The following BRAF variants were observed in gnomAD, a reference collection of about 807,000 sequenced individuals.
The protein encoded by BRAF is serine/threonine-protein kinase B-raf.
A neutral mutation model predicts 104.6 loss-of-function variants in BRAF; 16 were observed. That is an observed-to-expected ratio of 0.15 (90% CI 0.10 to 0.23). The LOEUF (loss-of-function observed/expected upper bound fraction) is 0.23. Among genes scored for constraint, BRAF ranks in the 10% least tolerant of loss-of-function variants. BRAF has a pLI of 1.00. For missense variants in BRAF, 541 were observed against 937.3 expected, an observed-to-expected ratio of 0.58 and a Z score of 5.52; for synonymous variants, 310 against 341.6, an observed-to-expected ratio of 0.91 and a Z score of 1.02.
At chr7:140,818,003 T>A (rs1805054978) in intron 3 of BRAF, among the ~76,000 whole-genome samples, 1 of 151,858 alleles carries the variant, frequency 6.6e-6, no homozygotes. Context: ...GACCATTACA[T>A]ACATATAGTA....
chr7:140,713,852 T>C, the BRAF span, among the ~76,000 whole-genome samples: 1 of 152,218 alleles, frequency 6.6e-6, no homozygotes. Flanking sequence ...TGCAGGTCTG[T>C]TGGAGTTTGC....
intron 1 of BRAF, among the ~76,000 whole-genome samples, chr7:140,870,204 A>G (rs1440791064): frequency 3.3e-5 from 5 of 152,210 alleles, no homozygotes; most frequent in Non-Finnish European, 5.9e-5. Flanking sequence ...CAAACCTGTC[A>G]TAAGTGAAAC....
At chr7:140,767,016 AT>A (rs1799394812) in intron 14 of BRAF, among the ~76,000 whole-genome samples, 1 of 151,354 alleles carries the variant, frequency 6.6e-6, no homozygotes, top group African/African-American at 2.4e-5. Flanking sequence ...TTATTTACTT[AT>A]TTTTGAGACA....
chr7:140,839,043 G>A (rs1807644555), intron 2 of BRAF, among the ~76,000 whole-genome samples: 2 of 152,014 alleles, frequency 1.3e-5, no homozygotes, highest in Admixed American at 6.5e-5. Flanking sequence ...ACAGTCAATT[G>A]ATTTTTTTTT....
intron 2 of BRAF, among the ~76,000 whole-genome samples, chr7:140,843,743 T>G (rs1808242482): frequency 6.6e-6 from 1 of 152,172 alleles, no homozygotes; most frequent in South Asian, 2.1e-4. Flanking sequence ...CAGTGGCTCA[T>G]GCCTATAATC....
At chr7:140,737,121 A>G (rs1241826602) in intron 18 of BRAF, among the ~76,000 whole-genome samples, 1 of 152,014 alleles carries the variant, frequency 6.6e-6, no homozygotes, top group Non-Finnish European at 1.5e-5. Context: ...ACCAATATCC[A>G]TGTCATCAAT....
intron 14 of BRAF, among the ~76,000 whole-genome samples, chr7:140,757,185 C>T (rs1326825753): frequency 6.6e-6 from 1 of 152,022 alleles, no homozygotes. Context: ...AAAAAGGGCA[C>T]AAAAAGGATT....
At chr7:140,746,831 G>GA (rs564277671) in intron 17 of BRAF, among the ~76,000 whole-genome samples, 101 of 119,106 alleles carry the variant, frequency 8.5e-4, no homozygotes, top group African/African-American at 1.1e-3. Flanking sequence ...CTCCGTCTTG[G>GA]AAAAAAAAAA....
downstream of BRAF, among the ~76,000 whole-genome samples, chr7:140,715,688 A>T (rs1795116067): frequency 6.6e-6 from 1 of 152,168 alleles, no homozygotes; most frequent in Admixed American, 6.5e-5. Context: ...ATGGACCTCC[A>T]CCCGCTGTAT....
At chr7:140,715,379 C>CCAT (rs1795110432), downstream of BRAF, among the ~76,000 whole-genome samples, 1 of 152,172 alleles carries the variant, frequency 6.6e-6, no homozygotes. Flanking sequence ...ACTTTTAAAA[C>CCAT]CATCAGATCT....
chr7:140,899,512 T>C (rs1189297817), intron 1 of BRAF, among the ~76,000 whole-genome samples: 1 of 152,236 alleles, frequency 6.6e-6, no homozygotes, highest in Non-Finnish European at 1.5e-5. Context: ...CAACATTTAA[T>C]ATTGTCAGAT....
intron 1 of BRAF, among the ~76,000 whole-genome samples, chr7:140,882,754 AG>A (rs1813083649): frequency 6.7e-6 from 1 of 148,206 alleles, no homozygotes; most frequent in Non-Finnish European, 1.5e-5. Flanking sequence ...GCACTTTGGG[AG>A]GCCGAGGCGG....
At chr7:140,771,384 CG>C (rs144249572) in intron 14 of BRAF, among the ~76,000 whole-genome samples, 5,304 of 152,088 alleles carry the variant, frequency 0.035, 302 homozygotes, top group African/African-American at 0.12. Flanking sequence ...TTTGTAGAGA[CG>C]GGGTTTTGCC....
At chr7:140,731,234 C>G (rs1795937560) in intron 19 of BRAF, 1 of 152,260 alleles carries the variant, frequency 6.6e-6, no homozygotes, top group African/African-American at 2.4e-5. Context: ...CCAGGCTGGT[C>G]TCAAACTCCT....
rs1188018946 is a variant in BRAF at position 140,847,109 on chromosome 7, G to A, written c.240+3002C>T. Among the ~76,000 whole-genome samples the A allele has an allele frequency of 4.6e-5, 7 of 151,998 alleles. No homozygotes were observed. The South Asian group carries it at 8.3e-4, about 18-fold the overall frequency. ...GAGGAGGCTGCAGTGAGCTGAGATCGTGCTACTGCATGCCAGACTGGGCAA... is the reference window on the plus strand; with the variant it reads ...GAGGAGGCTGCAGTGAGCTGAGATCATGCTACTGCATGCCAGACTGGGCAA... On this transcript the variant is annotated intron_variant, in intron 2 of 19. Transcript: ENST00000644969.
chr7:140,800,976 T>C (rs1803043082), intron 6 of BRAF: 1 of 206,756 alleles, frequency 4.8e-6, no homozygotes, highest in African/African-American at 2.4e-5. Context: ...TTTTACATCT[T>C]ACTCAAATAA....
At chr7:140,807,455 G>A (rs529557542) in intron 5 of BRAF, among the ~76,000 whole-genome samples, 16 of 151,822 alleles carry the variant, frequency 1.1e-4, no homozygotes, top group African/African-American at 3.4e-4. Flanking sequence ...AAAGATGTCC[G>A]TGACATCCTG....
At chr7:140,777,939 G>A (rs1800490058) in intron 13 of BRAF, 52 bp downstream of exon 12, 6 of 1,533,292 alleles carry the variant, frequency 3.9e-6, no homozygotes, top group Non-Finnish European at 5.4e-6. Context: ...GGAACCAGGA[G>A]CTAATAAAAA....
chr7:140,884,712 G>T (rs1813362006), intron 1 of BRAF, among the ~76,000 whole-genome samples: 1 of 151,926 alleles, frequency 6.6e-6, no homozygotes, highest in Admixed American at 6.6e-5. Context: ...GCCTCCCAAA[G>T]TGTTGGGATT....
Sources: allele counts gnomAD v4.1 joint callset (sites outside exome capture counted in the v4.1 genomes callset), GRCh38; gene constraint gnomAD v4.1.1; transcripts MANE v1.5; gene names NCBI Gene and HGNC (gene_info 2026-07-23, HGNC 2026-07-21).